TRPM6: variants seen among roughly 807,000 people sequenced by gnomAD.
TRPM6 encodes the protein transient receptor potential cation channel subfamily M member 6.
TRPM6 carries 111 observed loss-of-function variants against 247.6 expected under a neutral mutation model. That is an observed-to-expected ratio of 0.45 (90% CI 0.38 to 0.52). The LOEUF is 0.52. Among genes scored for constraint, TRPM6 ranks in the 20% least tolerant of loss-of-function variants. The probability of loss-of-function intolerance (pLI) is 0.00; values close to 1 mark genes in which losing one functional copy is unlikely to be tolerated. For synonymous variants in TRPM6, 892 were observed against 853.8 expected, an observed-to-expected ratio of 1.04 and a Z score of -0.78; for missense variants, 2,126 against 2,421.5, an observed-to-expected ratio of 0.88 and a Z score of 2.56.
At chr9:74,827,648 G>T in intron 7 of TRPM6, 130 bp downstream of exon 7, 3 of 905,966 alleles carry the variant, frequency 3.3e-6, no homozygotes, top group South Asian at 2.7e-5. Flanking sequence ...GGGAAGGGGG[G>T]TGGCTGAAGA....
rs1554703849 is a variant in TRPM6 at position 74,790,035 on chromosome 9, T to TGTGTGTGG, written c.2539-1294_2539-1293insCCACACAC. Reference sequence around the variant, plus strand: ...GTGTGTGTGTGTGTGTGTGTGTGTGTGGGTTCATTCTCACAAGTCATATTA... The same window carrying TGTGTGTGG: ...GTGTGTGTGTGTGTGTGTGTGTGTGTGTGTGTGGGGGTTCATTCTCACAAGTCATATTA... On this transcript the variant is annotated intron_variant, in intron 19 of 38. Coordinates refer to ENST00000360774, the MANE Select transcript of TRPM6 (RefSeq NM_017662.5). Among the ~76,000 whole-genome samples the TGTGTGTGG allele has an allele frequency of 6.9e-5, 10 of 144,622 alleles. No individual in the cohort carries two copies. In the East Asian group the frequency reaches 1.9e-3, roughly 28 times the overall value. The allele number at this position is 144,622 out of a possible 152,430, so 94.9% of individuals were successfully genotyped here.
Position 74,767,404 on chromosome 9 carries a change from T to C in TRPM6, c.3537-4270A>G, listed in dbSNP as rs1403149949. 2.6e-5 allele frequency among the ~76,000 whole-genome samples: 4 copies of C among 152,326 alleles called. No homozygotes were observed. In the East Asian group the frequency reaches 5.8e-4, roughly 22 times the overall value. ...AGTAAGATTTAAAACAGCCTTGCTA[T>C]GTTCTCTTTTTCCACTGTCGCAACT... is the stretch of plus-strand genomic sequence containing the variant. On this transcript the variant is annotated intron_variant, in intron 25 of 38. Coordinates refer to ENST00000360774, the MANE Select transcript of TRPM6 (RefSeq NM_017662.5).
chr9:74,842,046 G>T (rs1164440384), intron 4 of TRPM6, 120 bp downstream of exon 4: 3 of 1,090,782 alleles, frequency 2.8e-6, no homozygotes, highest in Non-Finnish European at 4.1e-6. Flanking sequence ...GGGAGGCAGA[G>T]GTTGCAGTGC....
At chr9:74,786,243 T>C in intron 20 of TRPM6, 118 bp from the exon 21 acceptor site, 1 of 1,098,794 alleles carries the variant, frequency 9.1e-7, no homozygotes, top group East Asian at 2.4e-5. Flanking sequence ...CTGCCAAACC[T>C]TAAATCACTT....
Position 74,762,460 on chromosome 9 carries a change from T to C in TRPM6, c.4211A>G (p.Lys1404Arg). ...VSDWASVDEP[K>R]EKHEPIAHLL... The stretch of plus-strand genomic sequence containing the variant: ...GTGAGCAATAGGCTCGTGCTTTTCC[T>C]TGGGTTCATCCACTGATGCCCAGTC... The change falls in exon 26 of 39, where the codon AAG (lysine) becomes AGG (arginine). Residue 1404 changes from lysine to arginine, a missense_variant. Transcript: ENST00000360774. 4 of 1,614,198 alleles carry C rather than the reference T, an allele frequency of 2.5e-6. No individual in the cohort carries two copies. The highest frequency in any genetic ancestry group is 3.4e-6 in the Non-Finnish European group (4 of 1,180,038).
chr9:74,853,482 G>A (rs978917394), intron 3 of TRPM6, among the ~76,000 whole-genome samples: 2 of 152,210 alleles, frequency 1.3e-5, no homozygotes, highest in Non-Finnish European at 2.9e-5. Flanking sequence ...GAAATAAGTA[G>A]ACATAGGAGA....
intron 9 of TRPM6, among the ~76,000 whole-genome samples, chr9:74,818,611 C>A (rs181182850): frequency 5.9e-5 from 9 of 152,268 alleles, no homozygotes; most frequent in African/African-American, 1.9e-4. Flanking sequence ...GCATATCTGT[C>A]ATTTCTTAAC....
intron 16 of TRPM6, 34 bp downstream of exon 16, chr9:74,801,864 G>C: frequency 6.2e-7 from 1 of 1,610,678 alleles, no homozygotes; most frequent in Non-Finnish European, 8.5e-7. Context: ...AAGAAGTGTT[G>C]ATGTTTAGTA....
chr9:74,811,866 T>C (rs73534360), intron 12 of TRPM6, among the ~76,000 whole-genome samples: 1,777 of 152,224 alleles, frequency 0.012, 40 homozygotes, highest in African/African-American at 0.041. Flanking sequence ...AAAGGAACGT[T>C]TTATTAGAAG....
At chr9:74,761,935 A>C in intron 26 of TRPM6, 64 bp downstream of exon 26, 1 of 1,575,694 alleles carries the variant, frequency 6.3e-7, no homozygotes, top group East Asian at 2.2e-5. Context: ...AAAAAACAAA[A>C]CAAAACAAAA....
chr9:74,728,208 C>T, intron 38 of TRPM6, 31 bp downstream of exon 38: 2 of 1,469,434 alleles, frequency 1.4e-6, no homozygotes, highest in Non-Finnish European at 1.9e-6. Context: ...GAGAGATTTA[C>T]TTAGAGAAAA....
intron 32 of TRPM6, among the ~76,000 whole-genome samples, chr9:74,742,872 C>T (rs1407487544): frequency 6.6e-6 from 1 of 152,154 alleles, no homozygotes; most frequent in Admixed American, 6.5e-5. Flanking sequence ...AGGACTATCA[C>T]CTCCACTCTC....
intron 29 of TRPM6, among the ~76,000 whole-genome samples, chr9:74,750,929 A>G (rs957070332): frequency 2.0e-5 from 3 of 152,236 alleles, no homozygotes; most frequent in African/African-American, 7.2e-5. Flanking sequence ...GTGTTGATGG[A>G]CTTTAACAGA....
At chr9:74,755,615 C>A (rs901044847) in intron 27 of TRPM6, 142 bp from the exon 28 acceptor site, 2 of 1,053,140 alleles carry the variant, frequency 1.9e-6, no homozygotes, top group Non-Finnish European at 2.9e-6. Context: ...GCTGACAAAT[C>A]CCATCACTTA....
intron 21 of TRPM6, among the ~76,000 whole-genome samples, chr9:74,783,884 C>A (rs1827550392): frequency 6.6e-6 from 1 of 152,084 alleles, no homozygotes. Flanking sequence ...AGTAAGTATC[C>A]TAGAAGGAAA....
intron 6 of TRPM6, among the ~76,000 whole-genome samples, chr9:74,832,816 C>T (rs1401617725): frequency 1.3e-5 from 2 of 152,048 alleles, no homozygotes; most frequent in Admixed American, 6.6e-5. Context: ...TTTGGGAAGC[C>T]GAGGCAGGCA....
chr9:74,804,385 G>T (rs955657842), intron 14 of TRPM6: 1 of 489,662 alleles, frequency 2.0e-6, no homozygotes, highest in African/African-American at 2.0e-5. Context: ...ACAACTCATT[G>T]CCATTAGCAG....
intron 25 of TRPM6, among the ~76,000 whole-genome samples, chr9:74,768,767 C>T (rs1380582159): frequency 1.3e-5 from 2 of 152,168 alleles, no homozygotes; most frequent in Non-Finnish European, 2.9e-5. Context: ...AAATGGTCTT[C>T]GTGGTTCTTA....
At chr9:74,828,919 T>C (rs1013180287) in intron 6 of TRPM6, among the ~76,000 whole-genome samples, 1 of 152,160 alleles carries the variant, frequency 6.6e-6, no homozygotes, top group Non-Finnish European at 1.5e-5. Flanking sequence ...ACCACACCAT[T>C]ATTCAAAAAT....
Sources: allele counts gnomAD v4.1 joint callset (sites outside exome capture counted in the v4.1 genomes callset), GRCh38; gene constraint gnomAD v4.1.1; transcripts MANE v1.5; gene names NCBI Gene and HGNC (gene_info 2026-07-23, HGNC 2026-07-21).